The following H2BC5 variants were observed in gnomAD, a reference collection of about 807,000 sequenced individuals.
H2BC5 encodes histone H2B type 1-D.
In H2BC5, 9 loss-of-function variants were observed where a neutral mutation model predicts 5.7. The observed-to-expected ratio is 1.57, with a 90% confidence interval of 0.95 to 2.74. H2BC5 has a LOEUF of 2.74. H2BC5 is among the 30% of genes most tolerant of loss of function. The pLI is 0.00. For missense variants in H2BC5, 175 were observed against 168.8 expected (o/e 1.04, Z -0.20); for synonymous variants, 133 against 70.9 (o/e 1.88, Z -4.40).
chr6:26,159,592 G>C (rs1201843466), downstream of H2BC5, among the ~76,000 whole-genome samples: 3 of 152,164 alleles, frequency 2.0e-5, no homozygotes, highest in African/African-American at 4.8e-5. Context: ...GGAGTGGCCA[G>C]AAGGAAAGGA....
At chr6:26,160,428 G>T (rs374182283), downstream of H2BC5, among the ~76,000 whole-genome samples, 144 of 151,412 alleles carry the variant, frequency 9.5e-4, 2 homozygotes, top group South Asian at 0.011. Context: ...GGAGCTGGGC[G>T]TGGTGGCTAA....
intron 1 of H2BC5, among the ~76,000 whole-genome samples, chr6:26,164,990 C>T (rs1020650517): frequency 6.6e-6 from 1 of 152,046 alleles, no homozygotes; most frequent in Non-Finnish European, 1.5e-5. Context: ...ACTCCCCAGC[C>T]CAGAGAGATG....
chr6:26,158,508 G>C lies in H2BC5; in HGVS notation c.339G>C (p.Ser113=), dbSNP rs115468860. ...GGGAGCTGGCCAAGCACGCCGTGTC[G>C]GAGGGCACCAAGGCCGTCACCAAGT... ...LPGELAKHAV[S]EGTKAVTKYT... Residue 113 remains serine (S), a synonymous_variant, in exon 1 of 1, where the codon TCG becomes TCC. Transcript: ENST00000377777. 4.0e-4 allele frequency: 642 copies of C among 1,614,248 alleles called. 4 individuals carry two copies. The highest frequency in any genetic ancestry group is 3.4e-3 in the Admixed American group (207 of 60,028).
rs138399189 is a variant in H2BC5 at position 26,170,242 on chromosome 6, C to T, written c.*10-733C>T. 4.7e-3 allele frequency among the ~76,000 whole-genome samples: 709 copies of T among 152,306 alleles called. 5 individuals are homozygous for T. Among genetic ancestry groups the T allele is most frequent in the African/African-American group, 0.017 (689 of 41,568 alleles). On this transcript the variant is annotated intron_variant, in intron 1 of 1. Coordinates refer to the H2BC5 transcript ENST00000289316. ...CCTCATTATTCTTAGCACTATCTTA[C>T]ATTTGTTTATTGTTTGCCTCCCCTT...
chr6:26,158,814 C>T (rs568627003), downstream of H2BC5, among the ~76,000 whole-genome samples: 92 of 152,260 alleles, frequency 6.0e-4, no homozygotes, highest in Middle Eastern at 3.4e-3. Context: ...CTAGCATAAA[C>T]TGAAAGTATT....
downstream of H2BC5, among the ~76,000 whole-genome samples, chr6:26,159,099 C>T (rs188035299): frequency 1.4e-3 from 213 of 152,262 alleles, no homozygotes; most frequent in African/African-American, 4.9e-3. Context: ...GTAATTGGGC[C>T]AGTTTCTGTC....
chr6:26,158,997 T>G (rs982877221), downstream of H2BC5, among the ~76,000 whole-genome samples: 16 of 152,138 alleles, frequency 1.1e-4, no homozygotes, highest in African/African-American at 3.6e-4. Context: ...CTTGTAAAAT[T>G]TTTACCATGC....
intron 1 of H2BC5, among the ~76,000 whole-genome samples, chr6:26,169,044 AAAC>A (rs1163502260): frequency 1.3e-5 from 2 of 152,176 alleles, no homozygotes; most frequent in Non-Finnish European, 2.9e-5. Context: ...AAAATGGAAA[AAAC>A]AAATTAATGA....
At chr6:26,171,019 T>C (rs1263342575) in exon 2 of H2BC5, 2 of 152,192 alleles carry the variant, frequency 1.3e-5, no homozygotes, top group Non-Finnish European at 1.5e-5. Flanking sequence ...ATAAAATAAC[T>C]GATAATATGA....
chr6:26,158,219 A>G lies in H2BC5; in HGVS notation c.50A>G (p.Lys17Arg). ...CCTGCCCCAAAGAAGGGCTCCAAGAAGGCGGTGACTAAGGCTCAGAAGAAG... is the reference window on the plus strand; with the variant it reads ...CCTGCCCCAAAGAAGGGCTCCAAGAGGGCGGTGACTAAGGCTCAGAAGAAG... ...SAPAPKKGSK[K>R]AVTKAQKKDG... is the part of the protein sequence containing the mutation. The change falls in exon 1 of 1, where the codon AAG (lysine) becomes AGG (arginine). Residue 17 changes from lysine to arginine, a missense_variant. Around this residue, in one of 4 missense-constraint regions of H2BC5, gnomAD observed 119 missense variants for 85.6 expected, o/e 1.39. Coordinates refer to ENST00000377777, the MANE Select transcript of H2BC5 (RefSeq NM_021063.4). 6.2e-7 allele frequency: 1 copy of G among 1,614,240 alleles called. No homozygotes were observed. Among genetic ancestry groups the G allele is most frequent in the Non-Finnish European group, 8.5e-7 (1 of 1,180,042 alleles).
chr6:26,158,762 G>C (rs1205830568), downstream of H2BC5: 1 of 777,618 alleles, frequency 1.3e-6, no homozygotes, highest in Non-Finnish European at 2.0e-6. Flanking sequence ...TGAGTGCTAT[G>C]GGTACGTATT....
At chr6:26,162,825 C>T (rs941803369), downstream of H2BC5, among the ~76,000 whole-genome samples, 2 of 152,174 alleles carry the variant, frequency 1.3e-5, no homozygotes, top group African/African-American at 4.8e-5. Context: ...AGGTGTGAGC[C>T]ACCGTGCCGA....
downstream of H2BC5, chr6:26,163,455 G>A (rs941755310): frequency 5.9e-5 from 9 of 152,148 alleles, no homozygotes; most frequent in African/African-American, 2.2e-4. Context: ...ATTTAGCTAG[G>A]TGGTTATGGC....
At position 26,164,596 on chromosome 6, in the gene H2BC5, TTATATATA is replaced by T. The variant is rs113707312; in HGVS notation, c.*9+6048_*9+6055del. 3.6e-3 allele frequency among the ~76,000 whole-genome samples: 530 copies of T among 147,780 alleles called. 2 individuals are homozygous for T. Among genetic ancestry groups the T allele is most frequent in the East Asian group, 0.012 (59 of 4,984 alleles). ...CTGAGAGGGGAGAGCAAGGGAGATT[TTATATATA>T]TATATATATAATTTTAAATTATTGA... On this transcript the variant is annotated intron_variant, in intron 1 of 1. Coordinates refer to the H2BC5 transcript ENST00000289316.
chr6:26,170,364 C>T (rs1764499372), intron 1 of H2BC5, among the ~76,000 whole-genome samples: 1 of 152,128 alleles, frequency 6.6e-6, no homozygotes, highest in African/African-American at 2.4e-5. Flanking sequence ...ACATGGCAGA[C>T]TCTCAAAACG....
At chr6:26,166,891 G>A (rs1764440627) in intron 1 of H2BC5, among the ~76,000 whole-genome samples, 1 of 151,226 alleles carries the variant, frequency 6.6e-6, no homozygotes, top group Admixed American at 6.6e-5. Context: ...AGTAGAGATG[G>A]GGTTTCACCA....
At chr6:26,168,460 TAAA>T (rs1018788679) in intron 1 of H2BC5, among the ~76,000 whole-genome samples, 3 of 143,392 alleles carry the variant, frequency 2.1e-5, no homozygotes, top group African/African-American at 7.8e-5. Context: ...CTCCATTTTT[TAAA>T]AAAAAAAAAT....
chr6:26,165,403 G>C (rs145461176), intron 1 of H2BC5, among the ~76,000 whole-genome samples: 1 of 152,054 alleles, frequency 6.6e-6, no homozygotes, highest in African/African-American at 2.4e-5. Flanking sequence ...CTATTGCATC[G>C]TTTGAAGCTG....
chr6:26,164,110 T>G (rs1764387042), intron 1 of H2BC5: 1 of 453,182 alleles, frequency 2.2e-6, no homozygotes, highest in Non-Finnish European at 4.5e-6. Context: ...TCCAAAGTCT[T>G]GAAGACTTCT....
Sources: gnomAD v4.1 joint callset for allele counts (sites outside exome capture counted in the v4.1 genomes callset) on GRCh38, gnomAD v4.1.1 for gene constraint, gnomAD v4.1.1 regional missense constraint, MANE v1.5 for transcripts, NCBI Gene and HGNC (gene_info 2026-07-23, HGNC 2026-07-21) for gene names.